FBLN2: variants seen among roughly 807,000 people sequenced by gnomAD.
The protein encoded by FBLN2 is fibulin 2.
Under a neutral mutation model 123.7 loss-of-function variants are expected in FBLN2, and 81 were observed. The ratio of observed to expected loss-of-function variants is 0.65; its 90% CI spans 0.55 to 0.79. The LOEUF (loss-of-function observed/expected upper bound fraction) is 0.79. Ranked by LOEUF, FBLN2 falls within the 30% of genes least tolerant of loss-of-function variation. The pLI is 0.00. For synonymous variants in FBLN2, 699 were observed against 701.4 expected (o/e 1.00, Z 0.05); for missense variants, 1,603 against 1,681.3 (o/e 0.95, Z 0.81).
intron 16 of FBLN2, among the ~76,000 whole-genome samples, chr3:13,633,115 A>C (rs1282009156): frequency 2.0e-5 from 3 of 152,170 alleles, no homozygotes; most frequent in Non-Finnish European, 4.4e-5. Context: ...TCTGACCTAC[A>C]CCAAACACCT....
chr3:13,552,639 C>T (rs987074520), intron 1 of FBLN2, among the ~76,000 whole-genome samples: 3 of 152,134 alleles, frequency 2.0e-5, no homozygotes, highest in Non-Finnish European at 4.4e-5. Flanking sequence ...CAGGGCTGTA[C>T]CTCCAGCCAG....
intron 16 of FBLN2, among the ~76,000 whole-genome samples, chr3:13,633,954 AACACACAC>A (rs56947028): frequency 1.4e-4 from 16 of 112,904 alleles, no homozygotes; most frequent in African/African-American, 3.9e-4. Context: ...ACACACTGCA[AACACACAC>A]ACACACACAC....
rs112793079 is a variant in FBLN2 at position 13,610,897 on chromosome 3, A to AATTATTATTATTATTATTATTATT, written c.1548+1262_1548+1285dup. Among the ~76,000 whole-genome samples, 1,289 of 144,818 alleles carry AATTATTATTATTATTATTATTATT rather than the reference A, an allele frequency of 8.9e-3. 11 individuals carry two copies. The highest frequency in any genetic ancestry group is 0.023 in the African/African-American group (884 of 38,168). On this transcript the variant is annotated intron_variant, in intron 4 of 17. Coordinates refer to ENST00000404922, the MANE Select transcript of FBLN2 (RefSeq NM_001004019.2). ...GGGGCAGGAGAGCCCCCTTGTTTTA[A>AATTATTATTATTATTATTATTATT]ATTATTATTATTATTATTATTATTA... is the stretch of plus-strand genomic sequence containing the variant.
In FBLN2 at chr3:13,629,164, A is replaced by C. The variant is rs1328606007; in HGVS notation, c.2714A>C (p.Asp905Ala). 5 of 1,612,912 alleles carry C rather than the reference A, an allele frequency of 3.1e-6. No homozygotes were observed. The highest frequency in any genetic ancestry group is 4.2e-6 in the Non-Finnish European group (5 of 1,179,594). Residue 905 changes from aspartate (D) to alanine (A), a missense_variant and splice_region_variant, in exon 13 of 18, where the codon GAC (aspartate) becomes GCC (alanine). Coordinates refer to ENST00000404922, the MANE Select transcript of FBLN2 (RefSeq NM_001004019.2). Reference sequence around the variant, plus strand: ...AAGGTACCCTGCTCACCCCCCACAGACGTGAATGAGTGTGAGACAGGTGTG... The same window carrying C: ...AAGGTACCCTGCTCACCCCCCACAGCCGTGAATGAGTGTGAGACAGGTGTG... Reference protein sequence around the residue: ...HASDDGTKCVDVNECETGVHR... With the variant: ...HASDDGTKCVAVNECETGVHR...
At chr3:13,593,853 TGGG>T (rs1190889397) in intron 2 of FBLN2, among the ~76,000 whole-genome samples, 9 of 151,864 alleles carry the variant, frequency 5.9e-5, no homozygotes, top group African/African-American at 2.2e-4. Context: ...GTCCCCAGCG[TGGG>T]CGGCTGTAAC....
chr3:13,595,962 G>C (rs1704827934), intron 2 of FBLN2, among the ~76,000 whole-genome samples: 1 of 152,138 alleles, frequency 6.6e-6, no homozygotes, highest in African/African-American at 2.4e-5. Context: ...TATCCTTCCA[G>C]AAATAATCCA....
chr3:13,601,870 T>C (rs1705044402), intron 2 of FBLN2, among the ~76,000 whole-genome samples: 1 of 152,200 alleles, frequency 6.6e-6, no homozygotes, highest in Non-Finnish European at 1.5e-5. Context: ...CAAGCATGGC[T>C]CACTGAAGCC....
chr3:13,561,707 C>T (rs1249828010), intron 1 of FBLN2, among the ~76,000 whole-genome samples: 1 of 152,194 alleles, frequency 6.6e-6, no homozygotes, highest in Admixed American at 6.5e-5. Flanking sequence ...TTATCTCTTC[C>T]CCCCATCAGA....
At chr3:13,584,630 A>T (rs183291957) in intron 2 of FBLN2, among the ~76,000 whole-genome samples, 1 of 152,292 alleles carries the variant, frequency 6.6e-6, no homozygotes, top group East Asian at 1.9e-4. Flanking sequence ...TGGGGACCCC[A>T]GGATGCCACC....
chr3:13,627,483 A>G (rs1324150828), intron 10 of FBLN2, among the ~76,000 whole-genome samples: 2 of 152,198 alleles, frequency 1.3e-5, no homozygotes, highest in African/African-American at 4.8e-5. Context: ...GTCCTGGTCC[A>G]GTGCTCCCCA....
At chr3:13,576,720 T>TCCCCC (rs111724365) in intron 2 of FBLN2, among the ~76,000 whole-genome samples, 2 of 135,868 alleles carry the variant, frequency 1.5e-5, no homozygotes, top group African/African-American at 5.6e-5. Flanking sequence ...GTCAGGGGGA[T>TCCCCC]CCCCCCCCCC....
intron 2 of FBLN2, among the ~76,000 whole-genome samples, chr3:13,575,684 G>T (rs981864426): frequency 6.6e-6 from 1 of 152,156 alleles, no homozygotes; most frequent in Non-Finnish European, 1.5e-5. Context: ...GCATCAAGAG[G>T]CAGGACTGGG....
chr3:13,565,352 G>A (rs997665845), intron 1 of FBLN2, among the ~76,000 whole-genome samples: 1 of 152,214 alleles, frequency 6.6e-6, no homozygotes, highest in Non-Finnish European at 1.5e-5. Context: ...TCACAGTGCT[G>A]GATGCACTCC....
intron 2 of FBLN2, among the ~76,000 whole-genome samples, chr3:13,597,949 G>C (rs999267375): frequency 2.0e-5 from 3 of 152,220 alleles, no homozygotes; most frequent in African/African-American, 7.2e-5. Context: ...TGTCAGAGTG[G>C]GAGAGCACCT....
chr3:13,568,830 C>T (rs994755436), intron 1 of FBLN2: 64 of 985,546 alleles, frequency 6.5e-5, no homozygotes, highest in Non-Finnish European at 7.2e-5. Flanking sequence ...TCTGCCCCTC[C>T]ACCCCTGAGG....
At chr3:13,633,396 G>A (rs1227658080) in intron 16 of FBLN2, among the ~76,000 whole-genome samples, 1 of 152,278 alleles carries the variant, frequency 6.6e-6, no homozygotes, top group Non-Finnish European at 1.5e-5. Context: ...GTTGGGGCAA[G>A]GTAGAGCCCC....
At chr3:13,606,196 G>A (rs1186866544) in intron 2 of FBLN2, among the ~76,000 whole-genome samples, 2 of 152,302 alleles carry the variant, frequency 1.3e-5, no homozygotes, top group South Asian at 4.1e-4. Flanking sequence ...ACCACATCTG[G>A]CCTAAGGAGT....
At chr3:13,579,754 G>A (rs1051414748) in intron 2 of FBLN2, among the ~76,000 whole-genome samples, 2 of 152,224 alleles carry the variant, frequency 1.3e-5, no homozygotes, top group East Asian at 1.9e-4. Context: ...GCTGCTGTGA[G>A]CATCTCTACA....
chr3:13,637,555 C>G lies in FBLN2; in HGVS notation c.3339-7C>G. On this transcript the variant is annotated splice_polypyrimidine_tract_variant and splice_region_variant and intron_variant, in intron 17 of 17. Coordinates refer to ENST00000404922, the MANE Select transcript of FBLN2 (RefSeq NM_001004019.2). ...GCTGTGGGTGACCCGGCCTATCCTC[C>G]CTGCAGGAAGTGCGAGCGCACCACG... The G allele has an allele frequency of 6.3e-7, 1 of 1,595,252 alleles. No homozygotes were observed. The highest frequency in any genetic ancestry group is 2.2e-5 in the East Asian group (1 of 44,552).
Sources: allele counts gnomAD v4.1 joint callset (sites outside exome capture counted in the v4.1 genomes callset), GRCh38; gene constraint gnomAD v4.1.1; transcripts MANE v1.5; gene names NCBI Gene and HGNC (gene_info 2026-07-23, HGNC 2026-07-21).